PSMG2: variants seen among roughly 807,000 people sequenced by gnomAD.
PSMG2 encodes CD40 ligand-activated specific transcript 3.
In PSMG2, 21 loss-of-function variants were observed where a neutral mutation model predicts 31.5. The ratio of observed to expected loss-of-function variants is 0.67; its 90% CI spans 0.47 to 0.96. PSMG2 has a LOEUF of 0.96. Among genes scored for constraint, PSMG2 ranks in the 40% least tolerant of loss-of-function variants. The probability of loss-of-function intolerance (pLI) is 0.00; values close to 1 mark genes in which losing one functional copy is unlikely to be tolerated. For synonymous variants in PSMG2, 120 were observed against 110.4 expected (o/e 1.09, Z -0.54); for missense variants, 318 against 321.2 (o/e 0.99, Z 0.08).
At chr18:12,680,595 T>C in intron 1 of PSMG2, 4 of 848,452 alleles carry the variant, frequency 4.7e-6, no homozygotes, top group Non-Finnish European at 4.8e-6. Context: ...AGACTCCATC[T>C]CAAAAAAAAA....
rs936654369 is a variant in PSMG2 at position 12,664,522 on chromosome 18, C to T, written c.-37+5749C>T. On this transcript the variant is annotated intron_variant, in intron 1 of 6. Coordinates refer to the PSMG2 transcript ENST00000585331. ...CCAAGATCACGCCATTGCACTCCAGCCTGGGTGACAGAGCGAGACTCCGTC... is the reference window on the plus strand; with the variant it reads ...CCAAGATCACGCCATTGCACTCCAGTCTGGGTGACAGAGCGAGACTCCGTC... 3.3e-5 allele frequency among the ~76,000 whole-genome samples: 5 copies of T among 151,992 alleles called. No individual in the cohort carries two copies. In the East Asian group the frequency reaches 9.8e-4, roughly 30 times the overall value.
chr18:12,673,749 C>T (rs1377184529), intron 1 of PSMG2, among the ~76,000 whole-genome samples: 12 of 151,978 alleles, frequency 7.9e-5, no homozygotes, highest in African/African-American at 2.4e-4. Context: ...CGTGTGGTGG[C>T]GGGCGTCTGT....
At chr18:12,670,194 G>T (rs1282191913) in intron 1 of PSMG2, among the ~76,000 whole-genome samples, 2 of 151,844 alleles carry the variant, frequency 1.3e-5, no homozygotes, top group African/African-American at 4.8e-5. Flanking sequence ...GCTGGGCGTG[G>T]TAGCGTGTGC....
At chr18:12,712,818 C>G in intron 3 of PSMG2, 58 bp downstream of exon 3, 1 of 1,338,918 alleles carries the variant, frequency 7.5e-7, no homozygotes, top group East Asian at 2.3e-5. Flanking sequence ...AAATAAGTAA[C>G]ATTAGGGATT....
rs145478809 is a variant in PSMG2, at chr18:12,706,735, T to C, written c.229+14T>C. 4 of 1,574,158 alleles carry C rather than the reference T, an allele frequency of 2.5e-6. No individual in the cohort carries two copies. In the African/African-American group the frequency reaches 5.4e-5, roughly 21 times the overall value. On this transcript the variant is annotated intron_variant, in intron 2 of 6. Coordinates refer to ENST00000317615, the MANE Select transcript of PSMG2 (RefSeq NM_020232.5). ...TAAATGCTGAAGGTATGTAAGACTT[T>C]ACCTTGTATTTTTCCACTACAAAGT...
chr18:12,702,399 G>C, upstream of PSMG2: 1 of 1,007,954 alleles, frequency 9.9e-7, no homozygotes, highest in Middle Eastern at 2.8e-4. Flanking sequence ...CCGGCAAGCA[G>C]ATGCCGCTGT....
At chr18:12,710,370 G>T (rs553157625) in intron 2 of PSMG2, among the ~76,000 whole-genome samples, 1 of 152,236 alleles carries the variant, frequency 6.6e-6, no homozygotes, top group South Asian at 2.1e-4. Context: ...CCTTCTTAGT[G>T]CCTCAAACCA....
At position 12,712,654 on chromosome 18, in the gene PSMG2, T is replaced by G. The variant is rs374853943; in HGVS notation, c.230-48T>G. The G allele has an allele frequency of 1.5e-5, 20 of 1,360,898 alleles. No individual in the cohort carries two copies. The African/African-American group carries it at 2.5e-4, about 17-fold the overall frequency. The allele number at this position is 1,360,898 out of a possible 1,614,324, so 84.3% of individuals were successfully genotyped here. ...TTTGTTTATCATAATAATTTCAACT[T>G]GTATAACTTCACTGTCATATGATTT... On this transcript the variant is annotated intron_variant, in intron 2 of 6. Transcript: ENST00000317615.
At chr18:12,681,745 G>A (rs1466302046) in intron 1 of PSMG2, among the ~76,000 whole-genome samples, 2 of 152,098 alleles carry the variant, frequency 1.3e-5, no homozygotes, top group Non-Finnish European at 2.9e-5. Flanking sequence ...GGTTATTACT[G>A]GGGAGGTTAT....
intron 1 of PSMG2, among the ~76,000 whole-genome samples, chr18:12,662,943 A>G (rs1374028330): frequency 1.3e-5 from 2 of 152,214 alleles, no homozygotes; most frequent in Non-Finnish European, 2.9e-5. Flanking sequence ...TTATTTTTAA[A>G]CCATTATAAA....
intron 1 of PSMG2, among the ~76,000 whole-genome samples, chr18:12,675,867 C>A (rs998187641): frequency 2.0e-5 from 3 of 151,908 alleles, no homozygotes; most frequent in Non-Finnish European, 4.4e-5. Flanking sequence ...CGGGCTTTCA[C>A]CATGTTGGCC....
chr18:12,673,779 G>A (rs1166113598), intron 1 of PSMG2, among the ~76,000 whole-genome samples: 3 of 152,164 alleles, frequency 2.0e-5, no homozygotes, highest in African/African-American at 7.2e-5. Flanking sequence ...TACTTGGGAG[G>A]CTGAGGCAGG....
intron 3 of PSMG2, among the ~76,000 whole-genome samples, chr18:12,713,035 T>G (rs1420977120): frequency 6.6e-6 from 1 of 152,216 alleles, no homozygotes; most frequent in Non-Finnish European, 1.5e-5. Context: ...AGAGGTTTAT[T>G]CCATTTGTAT....
At chr18:12,689,624 T>A (rs572335390) in intron 1 of PSMG2, among the ~76,000 whole-genome samples, 3 of 152,330 alleles carry the variant, frequency 2.0e-5, no homozygotes, top group South Asian at 4.1e-4. Flanking sequence ...ACTTCCTTAG[T>A]GCATTTCAAC....
intron 4 of PSMG2, among the ~76,000 whole-genome samples, chr18:12,719,953 G>A (rs1475813984): frequency 6.6e-6 from 1 of 151,950 alleles, no homozygotes; most frequent in African/African-American, 2.4e-5. Flanking sequence ...CTGACCTCAG[G>A]TGATTTGCCT....
intron 1 of PSMG2, among the ~76,000 whole-genome samples, chr18:12,687,970 A>G (rs113916314): frequency 0.055 from 8,279 of 151,850 alleles, 339 homozygotes; most frequent in Non-Finnish European, 0.081. Flanking sequence ...TAGGCTGGGC[A>G]CGGTGGCTCA....
chr18:12,716,629 T>C (rs1021009383), intron 3 of PSMG2, among the ~76,000 whole-genome samples: 5 of 151,952 alleles, frequency 3.3e-5, no homozygotes, highest in Admixed American at 2.6e-4. Flanking sequence ...CTCCTGACCT[T>C]GTGATCTGCC....
upstream of PSMG2, among the ~76,000 whole-genome samples, chr18:12,698,582 G>C (rs1412325997): frequency 6.6e-6 from 1 of 152,132 alleles, no homozygotes; most frequent in Non-Finnish European, 1.5e-5. Context: ...TTTCAGCTGT[G>C]AGTCACCGTG....
chr18:12,700,711 T>TA (rs1884374360), upstream of PSMG2, among the ~76,000 whole-genome samples: 1 of 151,994 alleles, frequency 6.6e-6, no homozygotes. Flanking sequence ...ACCTAGAAAA[T>TA]AAGAGAAAAT....
Sources: gnomAD v4.1 joint callset for allele counts (sites outside exome capture counted in the v4.1 genomes callset) on GRCh38, gnomAD v4.1.1 for gene constraint, MANE v1.5 for transcripts, NCBI Gene and HGNC (gene_info 2026-07-23, HGNC 2026-07-21) for gene names.